Variants in ARHGAP31 observed in about 807,000 individuals in gnomAD.
ARHGAP31 encodes the protein Rho GTPase activating protein 31.
ARHGAP31 carries 34 observed loss-of-function variants against 113.9 expected under a neutral mutation model. That is an observed-to-expected ratio of 0.30 (90% confidence interval 0.23 to 0.40). The LOEUF (loss-of-function observed/expected upper bound fraction) is 0.40. Ranked by LOEUF, ARHGAP31 falls within the 10% of genes least tolerant of loss-of-function variation. The probability of loss-of-function intolerance (pLI) is 1.00; values close to 1 mark genes in which losing one functional copy is unlikely to be tolerated. For missense variants in ARHGAP31, 1,548 were observed against 1,767.1 expected, an observed-to-expected ratio of 0.88 and a Z score of 2.22; for synonymous variants, 650 against 684.8, an observed-to-expected ratio of 0.95 and a Z score of 0.79.
In ARHGAP31 at chr3:119,304,610, C is replaced by T. The variant is rs1208216582; in HGVS notation, c.100+9606C>T. 2.6e-5 allele frequency among the ~76,000 whole-genome samples: 4 copies of T among 152,270 alleles called. No individual in the cohort carries two copies. In the East Asian group the frequency reaches 7.7e-4, roughly 29 times the overall value. Reference sequence around the variant, plus strand: ...GGCTGCAGTGACAGAAGCCTGCCTTCAGCTGCAGGGGGAGTGAACCTAACC... The same window carrying T: ...GGCTGCAGTGACAGAAGCCTGCCTTTAGCTGCAGGGGGAGTGAACCTAACC... On this transcript the variant is annotated intron_variant, in intron 1 of 11. Coordinates refer to ENST00000264245, the MANE Select transcript of ARHGAP31 (RefSeq NM_020754.4).
intron 3 of ARHGAP31, among the ~76,000 whole-genome samples, chr3:119,369,001 G>A (rs1015613177): frequency 3.3e-5 from 5 of 152,266 alleles, no homozygotes; most frequent in South Asian, 2.1e-4. Flanking sequence ...AGAAAGCTGG[G>A]AAGAGAAAAG....
chr3:119,389,140 G>A (rs1471388827), intron 6 of ARHGAP31, among the ~76,000 whole-genome samples: 3 of 151,966 alleles, frequency 2.0e-5, no homozygotes, highest in Non-Finnish European at 2.9e-5. Flanking sequence ...CAGCCTGGGC[G>A]ACAGAGCGAG....
intron 10 of ARHGAP31, among the ~76,000 whole-genome samples, chr3:119,409,020 G>A (rs982196435): frequency 6.6e-5 from 10 of 152,160 alleles, no homozygotes; most frequent in East Asian, 1.9e-4. Context: ...AGAAGTCAGA[G>A]ACTGGGCTAG....
At position 119,402,374 on chromosome 3, in the gene ARHGAP31, C is replaced by T. The variant is rs1260603822; in HGVS notation, c.1622C>T (p.Pro541Leu). The T allele has an allele frequency of 1.2e-6, 2 of 1,613,338 alleles. No individual in the cohort carries two copies. Residue 541 changes from proline (P) to leucine (L), a missense_variant, in exon 10 of 12, where the codon CCG (proline) becomes CTG (leucine). Transcript: ENST00000264245. ...ESGGWPEEEK[P>L]LGAETSAASV... Reference sequence around the variant, plus strand: ...GGAGGCTGGCCAGAAGAAGAGAAACCGCTGGGAGCTGAGACTTCTGCAGGT... The same window carrying T: ...GGAGGCTGGCCAGAAGAAGAGAAACTGCTGGGAGCTGAGACTTCTGCAGGT...
intron 4 of ARHGAP31, among the ~76,000 whole-genome samples, chr3:119,381,441 C>G (rs998169537): frequency 1.3e-5 from 2 of 152,150 alleles, no homozygotes; most frequent in Admixed American, 6.5e-5. Flanking sequence ...CAGTTTAGCC[C>G]CTAATGTTGC....
intron 11 of ARHGAP31, among the ~76,000 whole-genome samples, chr3:119,411,028 A>G (rs1425733322): frequency 1.3e-5 from 2 of 152,208 alleles, no homozygotes; most frequent in Admixed American, 6.5e-5. Flanking sequence ...TGGGTGGACT[A>G]GGAAAGGAGA....
intron 1 of ARHGAP31, among the ~76,000 whole-genome samples, chr3:119,332,548 T>C (rs1576997983): frequency 6.6e-6 from 1 of 151,536 alleles, no homozygotes; most frequent in East Asian, 1.9e-4. Flanking sequence ...TAGCCAATCC[T>C]CCAGATGTAG....
At chr3:119,303,882 C>T (rs1157965392) in intron 1 of ARHGAP31, among the ~76,000 whole-genome samples, 3 of 151,924 alleles carry the variant, frequency 2.0e-5, no homozygotes, top group Non-Finnish European at 4.4e-5. Flanking sequence ...GCAACCTCCA[C>T]CTCCTGGGTT....
chr3:119,299,600 A>T (rs1559959017), intron 1 of ARHGAP31, among the ~76,000 whole-genome samples: 1 of 152,160 alleles, frequency 6.6e-6, no homozygotes, highest in African/African-American at 2.4e-5. Context: ...AGGCTAAATG[A>T]TTCTCTTTCT....
chr3:119,301,272 G>T (rs926694525), intron 1 of ARHGAP31, among the ~76,000 whole-genome samples: 1 of 152,162 alleles, frequency 6.6e-6, no homozygotes, highest in Non-Finnish European at 1.5e-5. Context: ...GCTTCAGGAG[G>T]CCCAGGCTTT....
chr3:119,392,693 G>A (rs2080515236), intron 7 of ARHGAP31, among the ~76,000 whole-genome samples: 1 of 152,212 alleles, frequency 6.6e-6, no homozygotes. Context: ...AGCCTGGTGT[G>A]AGGCTAAGCC....
At chr3:119,316,331 AG>A (rs776256843) in intron 1 of ARHGAP31, among the ~76,000 whole-genome samples, 7 of 152,210 alleles carry the variant, frequency 4.6e-5, no homozygotes, top group Non-Finnish European at 5.9e-5. Context: ...TGCAGTACTG[AG>A]GGATACAGGT....
chr3:119,381,031 G>A, intron 4 of ARHGAP31, 45 bp downstream of exon 4: 1 of 1,538,400 alleles, frequency 6.5e-7, no homozygotes, highest in Non-Finnish European at 9.0e-7. Flanking sequence ...TCAATGCAGT[G>A]TAATACCAAA....
intron 9 of ARHGAP31, among the ~76,000 whole-genome samples, chr3:119,401,023 T>C (rs1036357952): frequency 3.3e-5 from 5 of 151,934 alleles, no homozygotes; most frequent in African/African-American, 1.2e-4. Context: ...ATACAAAAAT[T>C]AGCCGGGCGC....
intron 11 of ARHGAP31, 76 bp from the exon 12 acceptor site, chr3:119,413,780 C>T: frequency 6.2e-7 from 1 of 1,602,828 alleles, no homozygotes; most frequent in Non-Finnish European, 8.5e-7. Flanking sequence ...TCAGTCCCTT[C>T]CCTCTCACTG....
chr3:119,344,023 G>A (rs1399524282), intron 1 of ARHGAP31, among the ~76,000 whole-genome samples: 1 of 148,322 alleles, frequency 6.7e-6, no homozygotes, highest in Non-Finnish European at 1.5e-5. Context: ...GTGTGATACT[G>A]AGAGGGAGCA....
chr3:119,369,521 C>T (rs367710561), intron 3 of ARHGAP31, among the ~76,000 whole-genome samples: 8 of 152,162 alleles, frequency 5.3e-5, no homozygotes, highest in African/African-American at 1.9e-4. Context: ...GGGAGGGAAC[C>T]TTTCTCATGG....
chr3:119,414,443 G>C lies in ARHGAP31; in HGVS notation c.2514G>C (p.Glu838Asp). Residue 838 changes from glutamate to aspartate, a missense_variant, in exon 12 of 12, where the codon GAG becomes GAC. Coordinates refer to ENST00000264245, the MANE Select transcript of ARHGAP31 (RefSeq NM_020754.4). ...TCTCTAGCCTCTGTCAGGGAGAGGA[G>C]GCAACCCCAAGACACAGTGACAAGC... Reference protein sequence around the residue: ...PEISSLCQGEEATPRHSDKQN... With the variant: ...PEISSLCQGEDATPRHSDKQN... 1.2e-6 allele frequency: 2 copies of C among 1,614,228 alleles called. No individual in the cohort carries two copies. Among genetic ancestry groups the C allele is most frequent in the East Asian group, 4.5e-5 (2 of 44,890 alleles).
chr3:119,323,042 C>T (rs991414439), intron 1 of ARHGAP31, among the ~76,000 whole-genome samples: 1 of 152,206 alleles, frequency 6.6e-6, no homozygotes, highest in African/African-American at 2.4e-5. Flanking sequence ...GTCAAGGCCA[C>T]GTTCCCTCCG....
Sources: gnomAD v4.1 joint callset for allele counts (sites outside exome capture counted in the v4.1 genomes callset) on GRCh38, gnomAD v4.1.1 for gene constraint, MANE v1.5 for transcripts, NCBI Gene and HGNC (gene_info 2026-07-23, HGNC 2026-07-21) for gene names.